Variants in KPTN observed in about 807,000 individuals in gnomAD.
KPTN encodes the protein kaptin, actin binding protein.
A neutral mutation model predicts 52.6 loss-of-function variants in KPTN; 36 were observed. The ratio of observed to expected loss-of-function variants is 0.68; its 90% CI spans 0.52 to 0.90. The LOEUF (loss-of-function observed/expected upper bound fraction) is 0.90. Among genes scored for constraint, KPTN ranks in the 40% least tolerant of loss-of-function variants. KPTN has a pLI of 0.00. For missense variants in KPTN, 529 were observed against 576.2 expected (o/e 0.92, Z 0.84); for synonymous variants, 271 against 248.4 (o/e 1.09, Z -0.85).
At chr19:47,483,902 GC>G in intron 1 of KPTN, 32 bp downstream of exon 1, 2 of 1,611,064 alleles carry the variant, frequency 1.2e-6, no homozygotes, top group South Asian at 2.2e-5. Flanking sequence ...CACGTTCCAG[GC>G]CCCCGCCCCC....
intron 8 of KPTN, among the ~76,000 whole-genome samples, chr19:47,478,306 G>A (rs1049358998): frequency 6.6e-6 from 1 of 151,820 alleles, no homozygotes; most frequent in Non-Finnish European, 1.5e-5. Context: ...GAGGTTCTGG[G>A]TGTGGTGGCT....
chr19:47,484,706 AT>A (rs35425298), upstream of KPTN, among the ~76,000 whole-genome samples: 17,327 of 129,072 alleles, frequency 0.13, 859 homozygotes, highest in Admixed American at 0.2. Flanking sequence ...ACAGTTCACT[AT>A]TTTTTTTTTT....
rs770459565 is a variant in KPTN, at chr19:47,483,903, C to A, written c.226+32G>T. ...AGCCTTCTCAACACCACGTTCCAGG[C>A]CCCCGCCCCCCAGCACCATAGCGCC... is the stretch of plus-strand genomic sequence containing the variant. On this transcript the variant is annotated intron_variant, in intron 1 of 11. Transcript: ENST00000338134. 3.7e-6 allele frequency: 6 copies of A among 1,610,936 alleles called. No homozygotes were observed. In the Admixed American group the frequency reaches 1.0e-4, roughly 27 times the overall value.
At chr19:47,479,735 G>T in intron 8 of KPTN, 128 bp downstream of exon 8, 1 of 704,354 alleles carries the variant, frequency 1.4e-6, no homozygotes, top group South Asian at 1.7e-5. Flanking sequence ...GGGGGATCCA[G>T]GAGAGAGGGA....
Position 47,479,504 on chromosome 19 carries a change from G to A in KPTN, c.787+359C>T, listed in dbSNP as rs767183812. On this transcript the variant is annotated intron_variant, in intron 8 of 11. Transcript: ENST00000338134. ...AGACACAGTGAAGGGGCCACAGAGC[G>A]GGGTGAGGAAATACCGATGTGAGAC... Among the ~76,000 whole-genome samples, 13 of 152,276 alleles carry A rather than the reference G, an allele frequency of 8.5e-5. 1 individual carries two copies. The highest frequency in any genetic ancestry group is 3.4e-3 in the Middle Eastern group (1 of 294).
Position 47,483,529 on chromosome 19 carries a change from A to C in KPTN, c.282T>G (p.Gly94=). The part of the protein sequence containing the change: ...DTFNKSPPKR[G]LVVGITFIKD... ...TGATGAACGTGATCCCCACAACCAG[A>C]CCCCGCTTGGGGGGTGACTTGTTGA... Residue 94 remains glycine, a synonymous_variant, in exon 2 of 12, where the codon GGT becomes GGG. Coordinates refer to ENST00000338134, the MANE Select transcript of KPTN (RefSeq NM_007059.4). 1 of 1,583,344 alleles carries C rather than the reference A, an allele frequency of 6.3e-7. No homozygotes were observed. The highest frequency in any genetic ancestry group is 8.6e-7 in the Non-Finnish European group (1 of 1,164,262).
intron 8 of KPTN, 120 bp downstream of exon 8, chr19:47,479,743 G>A: frequency 1.4e-6 from 1 of 737,498 alleles, no homozygotes. Flanking sequence ...CAGGAGAGAG[G>A]GACTGGGGTC....
chr19:47,480,420 T>G lies in KPTN; in HGVS notation c.600-13A>C, dbSNP rs368604103. Reference sequence around the variant, plus strand: ...CAGCCAGAGGACGCTGGCGGGCGGGTGGATGGACAGGACGGACGGCCATTG... The same window carrying G: ...CAGCCAGAGGACGCTGGCGGGCGGGGGGATGGACAGGACGGACGGCCATTG... On this transcript the variant is annotated splice_polypyrimidine_tract_variant and intron_variant, in intron 6 of 11. Coordinates refer to ENST00000338134, the MANE Select transcript of KPTN (RefSeq NM_007059.4). 8 of 1,532,644 alleles carry G rather than the reference T, an allele frequency of 5.2e-6. No individual in the cohort carries two copies. The highest frequency in any genetic ancestry group is 7.0e-6 in the Non-Finnish European group (8 of 1,136,116). The allele number at this position is 1,532,644 out of a possible 1,614,324, so 94.9% of individuals were successfully genotyped here. A position where few individuals can be genotyped will look rare whatever the true frequency, so the allele number is the denominator to read the frequency against.
intron 1 of KPTN, 48 bp from the exon 2 acceptor site, chr19:47,483,632 C>T: frequency 7.4e-7 from 1 of 1,357,752 alleles, no homozygotes; most frequent in Non-Finnish European, 1.0e-6. Flanking sequence ...CTCATGCTTC[C>T]AATCTCCCCA....
In KPTN at chr19:47,476,700, A is replaced by G. The variant is rs916305826; in HGVS notation, c.1014T>C (p.Tyr338=). The G allele has an allele frequency of 3.7e-6, 6 of 1,612,088 alleles. No homozygotes were observed. Among genetic ancestry groups the G allele is most frequent in the Non-Finnish European group, 5.1e-6 (6 of 1,179,234 alleles). The change falls in exon 11 of 12, where the codon TAT becomes TAC. Residue 338 remains tyrosine (Y), a synonymous_variant. Coordinates refer to ENST00000338134, the MANE Select transcript of KPTN (RefSeq NM_007059.4). The part of the protein sequence containing the change: ...VATYGQELLC[Y]KYRGPESGLP... ...GCCCCGACTCTGGGCCCCGGTACTT[A>G]TAACACAGCAGTTCCTGCGGGGGTG...
At chr19:47,477,017 C>G in intron 9 of KPTN, 79 bp from the exon 10 acceptor site, 1 of 1,429,854 alleles carries the variant, frequency 7.0e-7, no homozygotes, top group Non-Finnish European at 9.5e-7. Flanking sequence ...AAGCTGGGTA[C>G]CGGTACTGCT....
chr19:47,475,692 T>C, intron 11 of KPTN, 148 bp from the exon 12 acceptor site: 1 of 904,504 alleles, frequency 1.1e-6, no homozygotes, highest in East Asian at 2.8e-5. Context: ...GGGATGGGAA[T>C]GGGCCTCTGT....
intron 7 of KPTN, 113 bp downstream of exon 7, chr19:47,480,185 C>T: frequency 1.7e-6 from 1 of 575,448 alleles, no homozygotes; most frequent in South Asian, 1.8e-5. Context: ...CCTCATCCCT[C>T]AACCCACTTA....
chr19:47,479,713 A>G, intron 8 of KPTN, 150 bp downstream of exon 8: 1 of 646,904 alleles, frequency 1.5e-6, no homozygotes, highest in Non-Finnish European at 2.8e-6. Context: ...ACTGTAGCTC[A>G]AGGCCTGGAG....
rs747840203 is a variant in KPTN, at chr19:47,480,837, G to C, written c.526-4C>G. The C allele has an allele frequency of 6.2e-7, 1 of 1,613,934 alleles. No homozygotes were observed. The highest frequency in any genetic ancestry group is 1.1e-5 in the South Asian group (1 of 91,062). ...CAAACTGATGCAGCCCCTCGTTCTG[G>C]GGAAACCAAGACCCACCCCACCCCC... On this transcript the variant is annotated splice_region_variant and splice_polypyrimidine_tract_variant and intron_variant, in intron 5 of 11. Transcript: ENST00000338134.
At position 47,480,908 on chromosome 19, in the gene KPTN, G is replaced by C. The variant is rs752136379; in HGVS notation, c.525+50C>G. 59 of 1,610,084 alleles carry C rather than the reference G, an allele frequency of 3.7e-5. 2 individuals carry two copies. In the Middle Eastern group the frequency reaches 5.1e-3, roughly 139 times the overall value. On this transcript the variant is annotated intron_variant, in intron 5 of 11. Transcript: ENST00000338134. ...TCACACATATACCCACCCAGCGCCAGCCCACAGTGAATCCCACAGGGCTCT... is the reference window on the plus strand; with the variant it reads ...TCACACATATACCCACCCAGCGCCACCCCACAGTGAATCCCACAGGGCTCT...
chr19:47,484,330 G>C (rs150630987), upstream of KPTN: 1 of 799,268 alleles, frequency 1.3e-6, no homozygotes, highest in Non-Finnish European at 1.9e-6. Flanking sequence ...TCGCCTGCTC[G>C]GGCCTCCCAG....
At chr19:47,481,876 C>G (rs1439256790) in intron 4 of KPTN, among the ~76,000 whole-genome samples, 2 of 152,156 alleles carry the variant, frequency 1.3e-5, no homozygotes, top group African/African-American at 2.4e-5. Context: ...GGTTCTAGCA[C>G]CTTGGTATTC....
In KPTN at chr19:47,476,802, C is replaced by T; in HGVS notation, c.999+1G>A. On this transcript the variant is annotated splice_donor_variant, in intron 10 of 11. Transcript: ENST00000338134. LOFTEE classifies it high-confidence loss of function. ...GTGTGGCTCCAACTGTCAGGTCCCACCTGTCCATAGGTGGCCACCAGGACT... is the reference window on the plus strand; with the variant it reads ...GTGTGGCTCCAACTGTCAGGTCCCATCTGTCCATAGGTGGCCACCAGGACT... 1 of 1,591,352 alleles carries T rather than the reference C, an allele frequency of 6.3e-7. No individual in the cohort carries two copies. The highest frequency in any genetic ancestry group is 2.3e-5 in the East Asian group (1 of 43,894).
Sources: allele counts gnomAD v4.1 joint callset (sites outside exome capture counted in the v4.1 genomes callset), GRCh38; gene constraint gnomAD v4.1.1; transcripts MANE v1.5; gene names NCBI Gene and HGNC (gene_info 2026-07-23, HGNC 2026-07-21).